The following ZNF468 variants were observed in gnomAD, a reference collection of about 807,000 sequenced individuals.
The protein encoded by ZNF468 is zinc finger protein 468, also known as zinc finger protein ZNF468.
In ZNF468, 8 loss-of-function variants were observed where a neutral mutation model predicts 7.2. The observed-to-expected ratio is 1.11, with a 90% CI of 0.65 to 2.01. The LOEUF is 2.01. ZNF468 is among the 30% of genes most tolerant of loss of function. The pLI is 0.00. For missense variants in ZNF468, 608 were observed against 626.5 expected (o/e 0.97, Z 0.31); for synonymous variants, 218 against 214.4 (o/e 1.02, Z -0.15).
intron 3 of ZNF468, 63 bp from the exon 4 acceptor site, chr19:52,842,214 T>C (rs1192224709): frequency 2.2e-6 from 3 of 1,340,232 alleles, no homozygotes; most frequent in Non-Finnish European, 3.0e-6. Context: ...TACTGAAATG[T>C]GTAAATATCA....
At chr19:52,846,710 T>C (rs1205056274) in intron 3 of ZNF468, 1 of 152,548 alleles carries the variant, frequency 6.6e-6, no homozygotes, top group Non-Finnish European at 1.5e-5. Context: ...CTATTTAAAA[T>C]AGTAACAATG....
intron 2 of ZNF468, among the ~76,000 whole-genome samples, chr19:52,853,683 T>TC (rs1369825087): frequency 1.6e-4 from 25 of 151,842 alleles, no homozygotes; most frequent in African/African-American, 5.8e-4. Flanking sequence ...AGAGCGAAAC[T>TC]CCATCTCAAA....
intron 2 of ZNF468, 92 bp from the exon 3 acceptor site, chr19:52,849,305 T>G: frequency 6.3e-7 from 1 of 1,597,898 alleles, no homozygotes; most frequent in South Asian, 1.1e-5. Context: ...AAGCATGGAT[T>G]TAACTGTAGA....
intron 2 of ZNF468, among the ~76,000 whole-genome samples, chr19:52,852,882 T>C (rs2063402037): frequency 6.7e-6 from 1 of 149,998 alleles, no homozygotes; most frequent in Admixed American, 6.7e-5. Flanking sequence ...TAAGATGGAG[T>C]CTTCCTCTGT....
chr19:52,843,361 C>G (rs2063320676), intron 3 of ZNF468, among the ~76,000 whole-genome samples: 1 of 152,082 alleles, frequency 6.6e-6, no homozygotes, highest in Middle Eastern at 3.4e-3. Context: ...AGGTCCTGAG[C>G]ACCTGGGATT....
At chr19:52,857,134 C>T (rs1568686138) in intron 1 of ZNF468, among the ~76,000 whole-genome samples, 1 of 151,720 alleles carries the variant, frequency 6.6e-6, no homozygotes, top group Admixed American at 6.6e-5. Flanking sequence ...AGCGACGACG[C>T]CTTCGGACAA....
chr19:52,848,307 G>C (rs541052532), intron 3 of ZNF468, among the ~76,000 whole-genome samples: 2 of 152,244 alleles, frequency 1.3e-5, no homozygotes, highest in Non-Finnish European at 2.9e-5. Flanking sequence ...CTTATAAAAA[G>C]CAAGGACCAT....
At position 52,849,239 on chromosome 19, in the gene ZNF468, A is replaced by T; in HGVS notation, c.16-26T>A. ...CTGAAATGAAAACACATTTTAACCA[A>T]ATGGTTATGGGAGGAGATCTTATCT... On this transcript the variant is annotated intron_variant, in intron 2 of 3. Transcript: ENST00000595646. The T allele has an allele frequency of 1.9e-6, 3 of 1,613,062 alleles. No homozygotes were observed. In the South Asian group the frequency reaches 3.3e-5, roughly 18 times the overall value.
intron 3 of ZNF468, among the ~76,000 whole-genome samples, chr19:52,845,582 C>T (rs2063336200): frequency 6.6e-6 from 1 of 152,052 alleles, no homozygotes; most frequent in South Asian, 2.1e-4. Context: ...CTGCTTGAAC[C>T]CAGAAGGTGG....
chr19:52,841,193 T>G lies in ZNF468; in HGVS notation c.1101A>C (p.Leu367=). ...CNECGKVFNR[L]STLARHHRLH... Reference sequence around the variant, plus strand: ...GTCTATGATGGCGTGCAAGGGTTGATAGTCGATTAAAAACTTTGCCACATT... The same window carrying G: ...GTCTATGATGGCGTGCAAGGGTTGAGAGTCGATTAAAAACTTTGCCACATT... Residue 367 remains leucine, a synonymous_variant, in exon 4 of 4, where the codon CTA becomes CTC. Transcript: ENST00000595646. 1.2e-6 allele frequency: 2 copies of G among 1,613,128 alleles called. No individual in the cohort carries two copies. Among genetic ancestry groups the G allele is most frequent in the East Asian group, 2.2e-5 (1 of 44,828 alleles).
intron 1 of ZNF468, among the ~76,000 whole-genome samples, chr19:52,856,394 ACTT>A: frequency 6.6e-6 from 1 of 151,880 alleles, no homozygotes; most frequent in South Asian, 2.1e-4. Flanking sequence ...CATCCTTGCA[ACTT>A]ATTTAACCTC....
intron 3 of ZNF468, among the ~76,000 whole-genome samples, chr19:52,847,302 G>GCCATTCT (rs1157717746): frequency 6.6e-6 from 1 of 151,812 alleles, no homozygotes; most frequent in Non-Finnish European, 1.5e-5. Context: ...TAAAAGTCAT[G>GCCATTCT]CCATTCTCCA....
intron 3 of ZNF468, 91 bp downstream of exon 3, chr19:52,848,996 T>C: frequency 9.0e-7 from 1 of 1,107,858 alleles, no homozygotes; most frequent in Non-Finnish European, 1.2e-6. Context: ...GGCTTCCATT[T>C]TAGTCAAGGA....
chr19:52,855,853 C>T (rs1235960309), intron 1 of ZNF468, among the ~76,000 whole-genome samples: 4 of 152,238 alleles, frequency 2.6e-5, no homozygotes, highest in Admixed American at 6.5e-5. Context: ...TCTAGCCCTT[C>T]GTCGCAAAGA....
chr19:52,842,171 A>C lies in ZNF468; in HGVS notation c.143-20T>G. ...AGATATCTACAAAATTTAAACACCA[A>C]TAGGTTTCCAATTAAGTACAGACGG... On this transcript the variant is annotated intron_variant, in intron 3 of 3. Coordinates refer to ENST00000595646, the MANE Select transcript of ZNF468 (RefSeq NM_001008801.2). 1.3e-6 allele frequency: 2 copies of C among 1,554,908 alleles called. No homozygotes were observed. Among genetic ancestry groups the C allele is most frequent in the Non-Finnish European group, 1.7e-6 (2 of 1,148,614 alleles).
At chr19:52,857,029 A>G (rs1415348272) in intron 1 of ZNF468, among the ~76,000 whole-genome samples, 1 of 151,950 alleles carries the variant, frequency 6.6e-6, no homozygotes, top group Non-Finnish European at 1.5e-5. Flanking sequence ...GACAAGCCCC[A>G]GGCACCTCTC....
Position 52,839,554 on chromosome 19 carries a change from G to A in ZNF468, c.*1171C>T, listed in dbSNP as rs1373431819. On this transcript the variant is annotated 3_prime_UTR_variant, in exon 4 of 4. Transcript: ENST00000595646. ...CATTTGAAACAACTGTCTCCAAAAGGAATTGTCTGATGGTCTGCAAGGAGT... is the reference window on the plus strand; with the variant it reads ...CATTTGAAACAACTGTCTCCAAAAGAAATTGTCTGATGGTCTGCAAGGAGT... 1 of 508,808 alleles carries A rather than the reference G, an allele frequency of 2.0e-6. No individual in the cohort carries two copies. The highest frequency in any genetic ancestry group is 2.0e-5 in the African/African-American group (1 of 50,780). The allele number at this position is 508,808 out of a possible 1,614,324, so 31.5% of individuals were successfully genotyped here.
chr19:52,851,934 G>A (rs1267114556), intron 2 of ZNF468, among the ~76,000 whole-genome samples: 10 of 152,032 alleles, frequency 6.6e-5, no homozygotes, highest in Admixed American at 1.3e-4. Context: ...AGATGTGTGT[G>A]TATGTATGTA....
In ZNF468 at chr19:52,841,895, G is replaced by T; in HGVS notation, c.399C>A (p.Asn133Lys). Residue 133 changes from asparagine (N) to lysine (K), a missense_variant, in exon 4 of 4, where the codon AAC becomes AAA. Transcript: ENST00000595646. ...TGQHDQRHAG[N>K]KRIKDQLGSS... ...ATCCAAGCTGATCTTTAATACGCTT[G>T]TTTCCAGCATGCCTTTGATCATGTT... is the stretch of plus-strand genomic sequence containing the variant. The T allele has an allele frequency of 6.2e-7, 1 of 1,614,072 alleles. No individual in the cohort carries two copies. The highest frequency in any genetic ancestry group is 8.5e-7 in the Non-Finnish European group (1 of 1,180,006).
Sources: gnomAD v4.1 joint callset for allele counts (sites outside exome capture counted in the v4.1 genomes callset) on GRCh38, gnomAD v4.1.1 for gene constraint, MANE v1.5 for transcripts, NCBI Gene and HGNC (gene_info 2026-07-23, HGNC 2026-07-21) for gene names.